Variants in TMEM132D observed in about 807,000 individuals in gnomAD.
The protein encoded by TMEM132D is transmembrane protein 132D.
In TMEM132D, 21 loss-of-function variants were observed where a neutral mutation model predicts 62.3. The observed-to-expected ratio is 0.34, with a 90% CI of 0.24 to 0.49. TMEM132D has a LOEUF of 0.49. Ranked by LOEUF, TMEM132D falls within the 20% of genes least tolerant of loss-of-function variation. TMEM132D has a pLI of 0.99. For missense variants in TMEM132D, 1,346 were observed against 1,402.8 expected, an observed-to-expected ratio of 0.96 and a Z score of 0.65; for synonymous variants, 621 against 575.6, an observed-to-expected ratio of 1.08 and a Z score of -1.13.
intron 4 of TMEM132D, among the ~76,000 whole-genome samples, chr12:129,228,179 G>A (rs1011889749): frequency 3.3e-5 from 5 of 152,120 alleles, no homozygotes; most frequent in Admixed American, 6.6e-5. Context: ...GTTAGAAACC[G>A]CAGTTTAACT....
At chr12:129,152,557 T>C (rs1358521454) in intron 5 of TMEM132D, among the ~76,000 whole-genome samples, 1 of 152,188 alleles carries the variant, frequency 6.6e-6, no homozygotes, top group Non-Finnish European at 1.5e-5. Context: ...GCAGTTTGCC[T>C]GGGCTGAGGG....
chr12:129,344,066 C>T (rs1026036604), intron 3 of TMEM132D, among the ~76,000 whole-genome samples: 6 of 152,206 alleles, frequency 3.9e-5, no homozygotes, highest in African/African-American at 1.4e-4. Flanking sequence ...CTAGGGTGGA[C>T]GCCTTCCTCC....
intron 3 of TMEM132D, among the ~76,000 whole-genome samples, chr12:129,354,934 A>G (rs1869992011): frequency 6.6e-6 from 1 of 152,206 alleles, no homozygotes; most frequent in African/African-American, 2.4e-5. Flanking sequence ...ATCCCCCACT[A>G]TAAATGTAGG....
At chr12:129,377,730 T>C (rs1385212828) in intron 3 of TMEM132D, among the ~76,000 whole-genome samples, 2 of 152,196 alleles carry the variant, frequency 1.3e-5, no homozygotes, top group African/African-American at 2.4e-5. Context: ...CTTTTGTCTG[T>C]TGAGTATTTA....
Position 129,827,319 on chromosome 12 carries a change from G to T in TMEM132D, c.79+75942C>A, listed in dbSNP as rs959648961. On this transcript the variant is annotated intron_variant, in intron 1 of 8. Transcript: ENST00000422113. This position sits in a 1 kb window ranked among gnomAD's most constrained non-coding sequence, Gnocchi z 9.7. ...TGCCCAACAGCACCCAGTTAACAAAGGGTCCTCTCCAGTTTCTAAGCCCCA... is the reference window on the plus strand; with the variant it reads ...TGCCCAACAGCACCCAGTTAACAAATGGTCCTCTCCAGTTTCTAAGCCCCA... Among the ~76,000 whole-genome samples the T allele has an allele frequency of 6.6e-6, 1 of 152,068 alleles. No homozygotes were observed. Among genetic ancestry groups the T allele is most frequent in the African/African-American group, 2.4e-5 (1 of 41,392 alleles).
intron 2 of TMEM132D, among the ~76,000 whole-genome samples, chr12:129,543,394 ATGGATGGATG>A (rs1383040153): frequency 7.2e-6 from 1 of 139,242 alleles, no homozygotes; most frequent in Admixed American, 7.4e-5. Flanking sequence ...GGATGGATGG[ATGGATGGATG>A]GATAGACAGA....
intron 2 of TMEM132D, among the ~76,000 whole-genome samples, chr12:129,533,868 T>A (rs2137091453): frequency 6.6e-6 from 1 of 152,352 alleles, no homozygotes. Flanking sequence ...ATGTTCAGAA[T>A]TGAAGAAGGC....
intron 5 of TMEM132D, among the ~76,000 whole-genome samples, chr12:129,147,289 C>CATATGTATATATATACATGTGCAT (rs1565978413): frequency 4.7e-5 from 7 of 148,416 alleles, no homozygotes; most frequent in African/African-American, 1.5e-4. Flanking sequence ...TATACATGTG[C>CATATGTATATATATACATGTGCAT]ATATGTATAT....
intron 1 of TMEM132D, among the ~76,000 whole-genome samples, chr12:129,809,306 T>C (rs1287244717): frequency 2.5e-5 from 1 of 40,634 alleles, no homozygotes; most frequent in Non-Finnish European, 5.7e-5. Flanking sequence ...AGACTCCATA[T>C]CAAAAAAAAA....
chr12:129,273,106 G>T (rs1357681250), intron 4 of TMEM132D, among the ~76,000 whole-genome samples: 1 of 151,958 alleles, frequency 6.6e-6, no homozygotes. Context: ...TGAGGCACGA[G>T]AATCAATTGA....
intron 5 of TMEM132D, among the ~76,000 whole-genome samples, chr12:129,144,828 T>C (rs909944349): frequency 2.0e-5 from 3 of 152,210 alleles, no homozygotes; most frequent in African/African-American, 7.2e-5. Context: ...CAGCTCTCTA[T>C]TGATTATCTA....
intron 5 of TMEM132D, among the ~76,000 whole-genome samples, chr12:129,117,030 GATAA>G (rs1361944620): frequency 1.3e-5 from 2 of 151,178 alleles, no homozygotes; most frequent in African/African-American, 4.9e-5. Context: ...TAGGTGAATG[GATAA>G]ATAAACCGTG....
chr12:129,531,033 T>A, intron 3 of TMEM132D, 26 bp downstream of exon 3: 1 of 1,586,684 alleles, frequency 6.3e-7, no homozygotes, highest in South Asian at 1.1e-5. Flanking sequence ...CTGATCTGAA[T>A]ATATCGGAGG....
intron 2 of TMEM132D, among the ~76,000 whole-genome samples, chr12:129,535,164 G>A (rs983272639): frequency 2.7e-4 from 41 of 152,284 alleles, no homozygotes; most frequent in African/African-American, 9.4e-4. Flanking sequence ...TAATGTCTCT[G>A]TGCTCATGAC....
At chr12:129,601,253 C>T (rs574141468) in intron 2 of TMEM132D, among the ~76,000 whole-genome samples, 11 of 152,152 alleles carry the variant, frequency 7.2e-5, no homozygotes, top group Non-Finnish European at 1.3e-4. Flanking sequence ...TTCCTCATTG[C>T]CCCCAGCCTT....
At chr12:129,777,770 C>T (rs1330537482) in intron 1 of TMEM132D, among the ~76,000 whole-genome samples, 1 of 152,054 alleles carries the variant, frequency 6.6e-6, no homozygotes, top group Non-Finnish European at 1.5e-5. Flanking sequence ...CCAAGAGCAC[C>T]TCACATATAA....
chr12:129,163,165 G>A (rs1414948356), intron 5 of TMEM132D, among the ~76,000 whole-genome samples: 2 of 152,220 alleles, frequency 1.3e-5, no homozygotes, highest in Non-Finnish European at 2.9e-5. Flanking sequence ...TAAGGCAGGT[G>A]TGCCCTTAAG....
At chr12:129,081,604 G>A (rs371653444) in intron 7 of TMEM132D, among the ~76,000 whole-genome samples, 155 bp downstream of exon 7, 8 of 152,136 alleles carry the variant, frequency 5.3e-5, no homozygotes, top group Non-Finnish European at 1.2e-4. Context: ...AGCCAAAATC[G>A]CTTGTATTGC....
chr12:129,119,109 A>ATG (rs1268480739), intron 5 of TMEM132D, among the ~76,000 whole-genome samples: 3 of 152,228 alleles, frequency 2.0e-5, no homozygotes, highest in Non-Finnish European at 2.9e-5. Context: ...GACTAAGAGA[A>ATG]TGCTGCTGAG....
Sources: allele counts gnomAD v4.1 joint callset (sites outside exome capture counted in the v4.1 genomes callset), GRCh38; gene constraint gnomAD v4.1.1; non-coding constraint Gnocchi (gnomAD v3.1); transcripts MANE v1.5; gene names NCBI Gene and HGNC (gene_info 2026-07-23, HGNC 2026-07-21).